PCDH9: variants seen among roughly 807,000 people sequenced by gnomAD.
The protein encoded by PCDH9 is protocadherin-9.
A neutral mutation model predicts 70.6 loss-of-function variants in PCDH9; 24 were observed. That is an observed-to-expected ratio of 0.34 (90% CI 0.25 to 0.48). The LOEUF (loss-of-function observed/expected upper bound fraction) is 0.48, where lower values mean the gene tolerates loss of function less well. Ranked by LOEUF, PCDH9 falls within the 20% of genes least tolerant of loss-of-function variation. The probability of loss-of-function intolerance (pLI) is 0.99; values close to 1 mark genes in which losing one functional copy is unlikely to be tolerated. For missense variants in PCDH9, 1,281 were observed against 1,503.6 expected, an observed-to-expected ratio of 0.85 and a Z score of 2.45; for synonymous variants, 562 against 558.5, an observed-to-expected ratio of 1.01 and a Z score of -0.09.
intron 3 of PCDH9, among the ~76,000 whole-genome samples, chr13:66,888,642 G>A (rs2082047399): frequency 6.6e-6 from 1 of 152,052 alleles, no homozygotes; most frequent in African/African-American, 2.4e-5. Flanking sequence ...ATGGGCCTTA[G>A]AAGAGTAGAC....
chr13:67,038,880 T>C (rs977674296), intron 2 of PCDH9, among the ~76,000 whole-genome samples: 3 of 152,188 alleles, frequency 2.0e-5, no homozygotes, highest in Non-Finnish European at 4.4e-5. Context: ...TTTTTTGTTC[T>C]GAGGCAAGTC....
intron 2 of PCDH9, among the ~76,000 whole-genome samples, chr13:66,942,473 T>G (rs1318058535): frequency 6.6e-6 from 1 of 151,770 alleles, no homozygotes; most frequent in African/African-American, 2.4e-5. Flanking sequence ...AATGTTCCAA[T>G]AACAAATAAG....
chr13:66,921,869 T>C lies in PCDH9; in HGVS notation c.3037-18264A>G, dbSNP rs114436830. ...ATAGTTTCAACAGTCATTTAAACTG[T>C]CCTGAAATGTATTCAAGTCATTAGT... On this transcript the variant is annotated intron_variant, in intron 2 of 4. Coordinates refer to ENST00000377865, the MANE Select transcript of PCDH9 (RefSeq NM_203487.3). 8.5e-3 allele frequency among the ~76,000 whole-genome samples: 1,288 copies of C among 151,486 alleles called. 22 individuals carry two copies. The highest frequency in any genetic ancestry group is 0.03 in the African/African-American group (1,229 of 41,494).
At chr13:66,945,165 T>C (rs929740067) in intron 2 of PCDH9, among the ~76,000 whole-genome samples, 1 of 151,924 alleles carries the variant, frequency 6.6e-6, no homozygotes, top group Non-Finnish European at 1.5e-5. Context: ...AGAGTGTTGC[T>C]CTGAGCCAGC....
chr13:66,807,245 C>G (rs1312692955), intron 3 of PCDH9, among the ~76,000 whole-genome samples: 2 of 152,148 alleles, frequency 1.3e-5, no homozygotes, highest in Non-Finnish European at 2.9e-5. Context: ...CCATTCCTTT[C>G]CTTCACCTAA....
chr13:67,116,853 C>G (rs1323517559), intron 2 of PCDH9, among the ~76,000 whole-genome samples: 1 of 152,164 alleles, frequency 6.6e-6, no homozygotes, highest in Non-Finnish European at 1.5e-5. Context: ...CAAATGCAAT[C>G]AAGGTGTCAA....
intron 3 of PCDH9, among the ~76,000 whole-genome samples, chr13:66,752,312 T>G (rs932956283): frequency 6.6e-6 from 1 of 152,170 alleles, no homozygotes; most frequent in Non-Finnish European, 1.5e-5. Context: ...ATTGCTTTAT[T>G]TTATTTATGT....
At chr13:66,437,583 A>C (rs533870240) in intron 4 of PCDH9, among the ~76,000 whole-genome samples, 1 of 152,212 alleles carries the variant, frequency 6.6e-6, no homozygotes, top group South Asian at 2.1e-4. Context: ...AAATATAAAT[A>C]AAATTACAAT....
At chr13:66,735,833 G>T (rs965829798) in intron 3 of PCDH9, among the ~76,000 whole-genome samples, 65 of 152,056 alleles carry the variant, frequency 4.3e-4, no homozygotes, top group African/African-American at 1.4e-3. Context: ...GTGTGGTGGT[G>T]CACGCCTGTA....
chr13:66,629,408 T>C (rs142679624), intron 4 of PCDH9, among the ~76,000 whole-genome samples: 1 of 152,286 alleles, frequency 6.6e-6, no homozygotes, highest in East Asian at 1.9e-4. Flanking sequence ...GAGGGCAAAG[T>C]TGGAGACTAG....
At chr13:66,910,291 T>G (rs569778454) in intron 2 of PCDH9, among the ~76,000 whole-genome samples, 1 of 152,326 alleles carries the variant, frequency 6.6e-6, no homozygotes, top group Admixed American at 6.5e-5. Flanking sequence ...AAGCTGATTT[T>G]ATATAGTCTT....
At chr13:67,225,089 A>C in intron 2 of PCDH9, 1 of 1,201,176 alleles carries the variant, frequency 8.3e-7, no homozygotes, top group Non-Finnish European at 1.0e-6. Context: ...CAGGAGCAGA[A>C]TTTGGCATAT....
intron 4 of PCDH9, among the ~76,000 whole-genome samples, chr13:66,338,889 A>AG (rs386379574): frequency 6.6e-6 from 1 of 151,446 alleles, no homozygotes; most frequent in Admixed American, 6.6e-5. Flanking sequence ...AGAGAAAAAA[A>AG]AAGAAGTAAA....
chr13:66,860,136 T>A (rs992044405), intron 3 of PCDH9, among the ~76,000 whole-genome samples: 1 of 152,182 alleles, frequency 6.6e-6, no homozygotes, highest in Non-Finnish European at 1.5e-5. Flanking sequence ...TTCCAAACAA[T>A]GCCAGTGTCC....
intron 2 of PCDH9, among the ~76,000 whole-genome samples, chr13:67,099,854 T>C (rs981690548): frequency 1.3e-5 from 2 of 152,184 alleles, no homozygotes; most frequent in African/African-American, 4.8e-5. Flanking sequence ...TAAATGTAAG[T>C]TTGACACATT....
chr13:66,487,763 C>T (rs939900479), intron 4 of PCDH9, among the ~76,000 whole-genome samples: 2 of 152,188 alleles, frequency 1.3e-5, no homozygotes, highest in Non-Finnish European at 2.9e-5. Flanking sequence ...CCCCTCACCT[C>T]TATTACCAAC....
At chr13:66,441,949 G>A (rs542427625) in intron 4 of PCDH9, among the ~76,000 whole-genome samples, 4 of 152,014 alleles carry the variant, frequency 2.6e-5, no homozygotes, top group African/African-American at 7.2e-5. Context: ...AGTTATGTAC[G>A]CAAATAACAA....
chr13:66,901,000 A>G (rs2082268009), intron 3 of PCDH9, among the ~76,000 whole-genome samples: 1 of 151,744 alleles, frequency 6.6e-6, no homozygotes, highest in Admixed American at 6.6e-5. Flanking sequence ...ATTCTCAAGA[A>G]TAATTAACAC....
chr13:66,591,300 G>A (rs2077036445), intron 4 of PCDH9, among the ~76,000 whole-genome samples: 1 of 151,486 alleles, frequency 6.6e-6, no homozygotes, highest in South Asian at 2.1e-4. Context: ...CTGTTTTCAT[G>A]CCAATATTTT....
Sources: gnomAD v4.1 joint callset for allele counts (sites outside exome capture counted in the v4.1 genomes callset) on GRCh38, gnomAD v4.1.1 for gene constraint, MANE v1.5 for transcripts, NCBI Gene and HGNC (gene_info 2026-07-23, HGNC 2026-07-21) for gene names.